Variants in SLC4A2 observed in about 807,000 individuals in gnomAD.
SLC4A2 encodes the protein anion exchange protein 2.
In SLC4A2, 36 loss-of-function variants were observed where a neutral mutation model predicts 115.0. The ratio of observed to expected loss-of-function variants is 0.31; its 90% CI spans 0.24 to 0.41. SLC4A2 has a LOEUF of 0.41. SLC4A2 is among the 10% of genes least tolerant of loss of function. The pLI is 1.00. For missense variants in SLC4A2, 1,252 were observed against 1,705.6 expected (o/e 0.73, Z 4.68); for synonymous variants, 708 against 708.3 (o/e 1.00, Z 0.01).
At chr7:151,067,121 C>T in intron 7 of SLC4A2, 128 bp downstream of exon 7, 2 of 1,019,604 alleles carry the variant, frequency 2.0e-6, no homozygotes, top group Non-Finnish European at 2.9e-6. Flanking sequence ...GACAGTCTCG[C>T]TCTGTTGCCC....
Position 151,074,747 on chromosome 7 carries a change from G to A in SLC4A2, c.2953G>A (p.Glu985Lys), listed in dbSNP as rs754677553. 1 of 1,613,754 alleles carries A rather than the reference G, an allele frequency of 6.2e-7. No individual in the cohort carries two copies. Among genetic ancestry groups the A allele is most frequent in the South Asian group, 1.1e-5 (1 of 91,056 alleles). Residue 985 changes from glutamate (E) to lysine (K), a missense_variant, in exon 19 of 23, where the codon GAG becomes AAG. Around this residue, in one of 14 missense-constraint regions of SLC4A2, gnomAD observed 253 missense variants for 407.4 expected, o/e 0.62. Coordinates refer to ENST00000413384, the MANE Select transcript of SLC4A2 (RefSeq NM_003040.4). Reference sequence around the variant, plus strand: ...GGGCTGGGTCATCAACCCCCTGGGAGAGAAGAGCCCCTTCCCTGTGTGGAT... The same window carrying A: ...GGGCTGGGTCATCAACCCCCTGGGAAAGAAGAGCCCCTTCCCTGTGTGGAT... ...KRGWVINPLG[E>K]KSPFPVWMMV...
rs780953060 is a variant in SLC4A2 at position 151,075,825 on chromosome 7, G to A, written c.3471+50G>A. On this transcript the variant is annotated intron_variant, in intron 21 of 22. Transcript: ENST00000413384. The stretch of plus-strand genomic sequence containing the variant: ...AAGGGGTGTGCCTCTGGCCATCCTG[G>A]TCTACTTGGGTCACTCTCCAGCTGC... 75 of 1,560,754 alleles carry A rather than the reference G, an allele frequency of 4.8e-5. No homozygotes were observed. The Middle Eastern group carries it at 5.7e-4, about 12-fold the overall frequency.
intron 1 of SLC4A2, among the ~76,000 whole-genome samples, chr7:151,061,045 A>C (rs1388111031): frequency 6.6e-6 from 1 of 150,576 alleles, no homozygotes; most frequent in African/African-American, 2.4e-5. Flanking sequence ...CCCACCACAC[A>C]GTGTCCTCCC....
At chr7:151,062,782 G>A in intron 2 of SLC4A2, 1 of 1,368,166 alleles carries the variant, frequency 7.3e-7, no homozygotes, top group Non-Finnish European at 9.4e-7. Flanking sequence ...AGGGGAGCCA[G>A]GAGATGGACA....
intron 22 of SLC4A2, 32 bp from the exon 23 acceptor site, chr7:151,076,255 T>C: frequency 1.3e-6 from 2 of 1,585,542 alleles, no homozygotes; most frequent in Non-Finnish European, 8.6e-7. Flanking sequence ...CCCCCCCACT[T>C]CCCTTCTTGA....
At chr7:151,062,075 C>T in intron 2 of SLC4A2, 37 bp downstream of exon 2, 1 of 1,587,092 alleles carries the variant, frequency 6.3e-7, no homozygotes, top group Non-Finnish European at 8.6e-7. Flanking sequence ...CCAACCTTCC[C>T]TCCCTGGGCA....
chr7:151,074,340 G>GT, intron 17 of SLC4A2, 47 bp downstream of exon 17: 1 of 1,610,550 alleles, frequency 6.2e-7, no homozygotes, highest in Non-Finnish European at 8.5e-7. Flanking sequence ...AGGAAGGGGG[G>GT]TGGCAGGAAG....
Position 151,070,039 on chromosome 7 carries a change from G to C in SLC4A2, c.1240G>C (p.Glu414Gln). The change falls in exon 9 of 23, where the codon GAG (glutamate) becomes CAG (glutamine). Residue 414 changes from glutamate to glutamine, a missense_variant. Around this residue, in one of 14 missense-constraint regions of SLC4A2, gnomAD observed 142 missense variants for 153.5 expected, o/e 0.93. Transcript: ENST00000413384. Reference sequence around the variant, plus strand: ...GGTCATCTCTGACCAGATCAAGGCCGAGGACAGGGCCAACGTGCTGCGGGC... The same window carrying C: ...GGTCATCTCTGACCAGATCAAGGCCCAGGACAGGGCCAACGTGCTGCGGGC... ...QMVISDQIKA[E>Q]DRANVLRALL... is the part of the protein sequence containing the mutation. 6.2e-7 allele frequency: 1 copy of C among 1,614,138 alleles called. No homozygotes were observed. Among genetic ancestry groups the C allele is most frequent in the South Asian group, 1.1e-5 (1 of 91,084 alleles).
chr7:151,058,287 G>A (rs34359213), upstream of SLC4A2: 537 of 233,234 alleles, frequency 2.3e-3, 2 homozygotes, highest in African/African-American at 0.012. Flanking sequence ...GAGCGCTCTC[G>A]GTTAGGGGTT....
At chr7:151,064,482 G>T (rs1304053455) in intron 3 of SLC4A2, 44 bp from the exon 4 acceptor site, 1 of 1,587,932 alleles carries the variant, frequency 6.3e-7, no homozygotes, top group East Asian at 2.2e-5. Context: ...TGGCAGGGGA[G>T]GGACACTGTG....
At position 151,074,202 on chromosome 7, in the gene SLC4A2, C is replaced by T; in HGVS notation, c.2699C>T (p.Thr900Met). The T allele has an allele frequency of 6.2e-7, 1 of 1,613,084 alleles. No individual in the cohort carries two copies. Among genetic ancestry groups the T allele is most frequent in the Non-Finnish European group, 8.5e-7 (1 of 1,180,012 alleles). Reference protein sequence around the residue: ...GQGKPRGQPNTALLSLVLMAG... With the variant: ...GQGKPRGQPNMALLSLVLMAG... ...GGGAAGCCCCGGGGCCAGCCCAACA[C>T]GGCCCTGCTGTCGCTGGTGCTCATG... The change falls in exon 17 of 23, where the codon ACG (threonine) becomes ATG (methionine). Residue 900 changes from threonine (T) to methionine (M), a missense_variant. By Grantham distance (81) the Thr-to-Met change is moderately conservative. Transcript: ENST00000413384.
rs756857982 is a variant in SLC4A2, at chr7:151,070,457, C to T, written c.1450C>T (p.Arg484Cys). 3.1e-6 allele frequency: 5 copies of T among 1,611,606 alleles called. No individual in the cohort carries two copies. Among genetic ancestry groups the T allele is most frequent in the African/African-American group, 1.3e-5 (1 of 74,964 alleles). The change falls in exon 11 of 23, where the codon CGT (arginine) becomes TGT (cysteine). Residue 484 changes from arginine (R) to cysteine (C), a missense_variant and splice_region_variant. Physicochemically the swap from Arg to Cys is radical, Grantham distance 180. Around this residue, in one of 14 missense-constraint regions of SLC4A2, gnomAD observed 142 missense variants for 153.5 expected, o/e 0.93. Transcript: ENST00000413384. ...PETRLEVERE[R>C]ELPPPAPPAG... ...GCTGAGCCCTGTCTGTGTCCCCCAGCGTGAGCTGCCGCCTCCAGCACCACC... is the reference window on the plus strand; with the variant it reads ...GCTGAGCCCTGTCTGTGTCCCCCAGTGTGAGCTGCCGCCTCCAGCACCACC...
chr7:151,072,062 C>T lies in SLC4A2; in HGVS notation c.2461C>T (p.Arg821Cys), dbSNP rs777367028. The T allele has an allele frequency of 4.3e-6, 7 of 1,614,014 alleles. No homozygotes were observed. The highest frequency in any genetic ancestry group is 2.7e-5 in the African/African-American group (2 of 74,910). Residue 821 changes from arginine (R) to cysteine (C), a missense_variant, in exon 16 of 23, where the codon CGC (arginine) becomes TGC (cysteine). Arg to Cys is a radical substitution (Grantham distance 180). This residue lies in a region of SLC4A2 where 118 missense variants were observed against 203.3 expected (regional missense o/e 0.58). Coordinates refer to ENST00000413384, the MANE Select transcript of SLC4A2 (RefSeq NM_003040.4). ...EGSFLVRFVS[R>C]FTQEIFAFLI... ...GAGCTTCCTGGTCCGCTTCGTCTCCCGCTTCACCCAGGAGATCTTCGCCTT... is the reference window on the plus strand; with the variant it reads ...GAGCTTCCTGGTCCGCTTCGTCTCCTGCTTCACCCAGGAGATCTTCGCCTT...
Position 151,074,173 on chromosome 7 carries a change from G to A in SLC4A2, c.2670G>A (p.Gly890=), listed in dbSNP as rs780304419. 2 of 1,612,874 alleles carry A rather than the reference G, an allele frequency of 1.2e-6. No homozygotes were observed. Among genetic ancestry groups the A allele is most frequent in the South Asian group, 2.2e-5 (2 of 91,056 alleles). ...PGNRSLAGQS[G]QGKPRGQPNT... is the part of the protein sequence containing the mutation. The stretch of plus-strand genomic sequence containing the variant: ...ACAGGAGCTTGGCTGGGCAGTCTGG[G>A]CAGGGGAAGCCCCGGGGCCAGCCCA... The change falls in exon 17 of 23, where the codon GGG becomes GGA. Residue 890 remains glycine, a synonymous_variant. Transcript: ENST00000413384.
At position 151,064,231 on chromosome 7, in the gene SLC4A2, G is replaced by C; in HGVS notation, c.81G>C (p.Thr27=). 3.1e-6 allele frequency: 5 copies of C among 1,612,424 alleles called. No homozygotes were observed. Among genetic ancestry groups the C allele is most frequent in the Non-Finnish European group, 4.2e-6 (5 of 1,179,936 alleles). Residue 27 remains threonine, a synonymous_variant, in exon 3 of 23, where the codon ACG becomes ACC. Coordinates refer to ENST00000413384, the MANE Select transcript of SLC4A2 (RefSeq NM_003040.4). ...TPEPESLGPG[T]PGFPEQEEDE... is the part of the protein sequence containing the mutation. ...AGCCAGAGAGCTTGGGCCCTGGGACGCCTGGGTTCCCCGAGCAGGAGGAAG... is the reference window on the plus strand; with the variant it reads ...AGCCAGAGAGCTTGGGCCCTGGGACCCCTGGGTTCCCCGAGCAGGAGGAAG...
At chr7:151,075,082 AG>A in intron 19 of SLC4A2, 172 bp from the exon 20 acceptor site, 1 of 1,035,706 alleles carries the variant, frequency 9.7e-7, no homozygotes, top group Non-Finnish European at 1.4e-6. Context: ...ATGGACGATA[AG>A]GGCTGGGGGC....
rs113094439 is a variant in SLC4A2, at chr7:151,063,383, G to A, written c.52-819G>A. Reference sequence around the variant, plus strand: ...GGCGCCGCCAGAAGTTACTTTTTGGGCTCAGCAGTTGTCCTCAGGCCAACT... The same window carrying A: ...GGCGCCGCCAGAAGTTACTTTTTGGACTCAGCAGTTGTCCTCAGGCCAACT... On this transcript the variant is annotated intron_variant, in intron 2 of 22. Transcript: ENST00000413384. Among the ~76,000 whole-genome samples, 497 of 152,296 alleles carry A rather than the reference G, an allele frequency of 3.3e-3. 2 individuals carry two copies. Among genetic ancestry groups the A allele is most frequent in the Non-Finnish European group, 4.7e-3 (320 of 68,022 alleles).
In SLC4A2 at chr7:151,075,514, T is replaced by C. The variant is rs1033596647; in HGVS notation, c.3301+6T>C. ...GCTGGTTGCCCTGCTTGTGGGTACG[T>C]TGCCTCTTGCCTTTCCCTTCCCAGT... On this transcript the variant is annotated splice_donor_region_variant and intron_variant, in intron 20 of 22. Transcript: ENST00000413384. 1.4e-5 allele frequency: 23 copies of C among 1,596,442 alleles called. No homozygotes were observed. Among genetic ancestry groups the C allele is most frequent in the Admixed American group, 1.2e-4 (7 of 59,922 alleles).
intron 2 of SLC4A2, chr7:151,062,556 C>G: frequency 7.1e-7 from 1 of 1,417,404 alleles, no homozygotes; most frequent in South Asian, 1.5e-5. Flanking sequence ...CGCTATTGGT[C>G]ACACTGGCCC....
Sources: gnomAD v4.1 joint callset for allele counts (sites outside exome capture counted in the v4.1 genomes callset) on GRCh38, gnomAD v4.1.1 for gene constraint, gnomAD v4.1.1 regional missense constraint, MANE v1.5 for transcripts, NCBI Gene and HGNC (gene_info 2026-07-23, HGNC 2026-07-21) for gene names.